Variants in NYAP2 observed in about 807,000 individuals in gnomAD.
NYAP2 encodes the protein neuronal tyrosine-phosphorylated phosphoinositide-3-kinase adaptor 2, also known as neuronal tyrosine-phosphorylated phosphoinositide-3-kinase adapter 2.
NYAP2 carries 23 observed loss-of-function variants against 50.4 expected under a neutral mutation model. That is an observed-to-expected ratio of 0.46 (90% confidence interval 0.33 to 0.65). NYAP2 has a LOEUF of 0.65. NYAP2 is among the 30% of genes least tolerant of loss of function. The probability of loss-of-function intolerance (pLI) is 0.02; values close to 1 mark genes in which losing one functional copy is unlikely to be tolerated. For missense variants in NYAP2, 885 were observed against 861.0 expected (o/e 1.03, Z -0.35); for synonymous variants, 394 against 365.2 (o/e 1.08, Z -0.90).
the NYAP2 span, among the ~76,000 whole-genome samples, chr2:225,693,281 T>C: frequency 1.1e-4 from 16 of 152,058 alleles, no homozygotes; most frequent in Admixed American, 7.2e-4. Context: ...TGAGGAGTAC[T>C]GGTATGGTAT....
At chr2:225,509,966 G>T (rs1419287389) in intron 3 of NYAP2, among the ~76,000 whole-genome samples, 1 of 152,146 alleles carries the variant, frequency 6.6e-6, no homozygotes, top group Non-Finnish European at 1.5e-5. Context: ...CATAAGATTG[G>T]TTTTAGTCAG....
intron 4 of NYAP2, among the ~76,000 whole-genome samples, chr2:225,535,079 C>CGGCT (rs1691324827): frequency 1.3e-5 from 2 of 152,158 alleles, no homozygotes; most frequent in African/African-American, 4.8e-5. Flanking sequence ...GATCAGCAGG[C>CGGCT]GGCTAATAGC....
At position 225,539,918 on chromosome 2, in the gene NYAP2, T is replaced by C. The variant is rs183698168; in HGVS notation, c.523+26246T>C. On this transcript the variant is annotated intron_variant, in intron 4 of 6. Coordinates refer to ENST00000636099, the Ensembl canonical transcript of NYAP2. Reference sequence around the variant, plus strand: ...TTGAATGCTTTGCTGCTTAGAAATTTCTTCTGCCAGATACCCTTAATCATC... The same window carrying C: ...TTGAATGCTTTGCTGCTTAGAAATTCCTTCTGCCAGATACCCTTAATCATC... Among the ~76,000 whole-genome samples, 279 of 152,302 alleles carry C rather than the reference T, an allele frequency of 1.8e-3. 4 individuals carry two copies. Among genetic ancestry groups the C allele is most frequent in the Non-Finnish European group, 2.6e-3 (174 of 68,018 alleles).
chr2:225,407,312 G>A (rs533219937), intron 2 of NYAP2, among the ~76,000 whole-genome samples: 1 of 152,062 alleles, frequency 6.6e-6, no homozygotes, highest in Admixed American at 6.6e-5. Context: ...AATTACACCA[G>A]ATAGTTGGAA....
intron 6 of NYAP2, 116 bp downstream of exon 6, chr2:225,627,242 C>T (rs1693226922): frequency 2.6e-6 from 2 of 778,550 alleles, no homozygotes; most frequent in Non-Finnish European, 4.3e-6. Context: ...CACAGAGAGG[C>T]ACCACAAGTA....
rs558581926 is a variant in NYAP2, at chr2:225,590,996, C to G, written c.1618+7961C>G. On this transcript the variant is annotated intron_variant, in intron 5 of 6. Coordinates refer to ENST00000636099, the Ensembl canonical transcript of NYAP2. ...TGATAAAAGCTGCTTCAGACAGGAG[C>G]TGGTGCTGCTGGTCCAGAAGGCGAG... 2.0e-5 allele frequency among the ~76,000 whole-genome samples: 3 copies of G among 152,334 alleles called. No homozygotes were observed. The East Asian group carries it at 5.8e-4, about 29-fold the overall frequency.
intron 3 of NYAP2, among the ~76,000 whole-genome samples, chr2:225,474,521 T>C (rs978273638): frequency 7.9e-5 from 12 of 152,228 alleles, no homozygotes; most frequent in African/African-American, 2.9e-4. Flanking sequence ...GTAGAGGTCC[T>C]TCACATCCCT....
chr2:225,487,532 G>T, intron 3 of NYAP2, among the ~76,000 whole-genome samples: 1 of 151,814 alleles, frequency 6.6e-6, no homozygotes, highest in East Asian at 1.9e-4. Context: ...GCTAATTTTT[G>T]TATTTTTAGT....
intron 5 of NYAP2, among the ~76,000 whole-genome samples, chr2:225,615,151 C>G (rs1181010573): frequency 6.6e-6 from 1 of 152,188 alleles, no homozygotes; most frequent in Non-Finnish European, 1.5e-5. Context: ...CTCTCCCTAG[C>G]TGCAAGGAAT....
At chr2:225,432,178 G>A (rs1358413025) in intron 3 of NYAP2, among the ~76,000 whole-genome samples, 1 of 129,676 alleles carries the variant, frequency 7.7e-6, no homozygotes, top group South Asian at 2.3e-4. Context: ...GGTATTTTTA[G>A]GAGAGACGGG....
intron 3 of NYAP2, among the ~76,000 whole-genome samples, chr2:225,460,979 C>G (rs1156809576): frequency 1.7e-5 from 2 of 117,830 alleles, no homozygotes; most frequent in Non-Finnish European, 3.2e-5. Flanking sequence ...AGCGACAGAG[C>G]GAGACTCTGT....
chr2:225,433,278 G>A (rs1259978639), intron 3 of NYAP2, among the ~76,000 whole-genome samples: 1 of 151,772 alleles, frequency 6.6e-6, no homozygotes, highest in African/African-American at 2.4e-5. Context: ...CTTGAGCCCA[G>A]GAGTTCAAAG....
chr2:225,414,333 A>G (rs1271195042), intron 3 of NYAP2, among the ~76,000 whole-genome samples: 1 of 152,204 alleles, frequency 6.6e-6, no homozygotes. Context: ...AAACAAGTTA[A>G]TGGAGAATGA....
intron 5 of NYAP2, among the ~76,000 whole-genome samples, chr2:225,586,946 G>A (rs1692398702): frequency 6.6e-6 from 1 of 152,192 alleles, no homozygotes; most frequent in Admixed American, 6.5e-5. Flanking sequence ...GGCTGGGGAG[G>A]CCTCAGAAAA....
intron 6 of NYAP2, among the ~76,000 whole-genome samples, chr2:225,637,574 A>T (rs886385714): frequency 5.3e-5 from 8 of 151,836 alleles, no homozygotes; most frequent in Non-Finnish European, 1.0e-4. Flanking sequence ...CCGTTTTCTC[A>T]CTCTGCAGTT....
chr2:225,529,477 C>T (rs901689291), intron 4 of NYAP2, among the ~76,000 whole-genome samples: 3 of 152,016 alleles, frequency 2.0e-5, no homozygotes, highest in South Asian at 2.1e-4. Context: ...AGACATGAGC[C>T]ACCACGTCCA....
intron 4 of NYAP2, among the ~76,000 whole-genome samples, chr2:225,538,654 T>G (rs1359855999): frequency 1.3e-5 from 2 of 152,252 alleles, no homozygotes; most frequent in African/African-American, 4.8e-5. Context: ...TGACATGCTC[T>G]GGAGACATTT....
At chr2:225,506,715 G>A (rs1471534255) in intron 3 of NYAP2, among the ~76,000 whole-genome samples, 1 of 152,142 alleles carries the variant, frequency 6.6e-6, no homozygotes, top group Non-Finnish European at 1.5e-5. Flanking sequence ...GTAAATATTA[G>A]TTTCTTTCTA....
At chr2:225,518,552 ATATATATATATATAT>A (rs1559202494) in intron 4 of NYAP2, among the ~76,000 whole-genome samples, 1,485 of 81,586 alleles carry the variant, frequency 0.018, 229 homozygotes, top group Non-Finnish European at 0.027. Flanking sequence ...ATATATATAT[ATATATATATATATAT>A]ATTAGCGTGT....
Sources: allele counts gnomAD v4.1 joint callset (sites outside exome capture counted in the v4.1 genomes callset), GRCh38; gene constraint gnomAD v4.1.1; transcripts MANE v1.5; gene names NCBI Gene and HGNC (gene_info 2026-07-23, HGNC 2026-07-21).